MATN3: variants seen among roughly 807,000 people sequenced by gnomAD.
MATN3 encodes the protein matrilin-3.
In MATN3, 48 loss-of-function variants were observed where a neutral mutation model predicts 45.3. The ratio of observed to expected loss-of-function variants is 1.06; its 90% CI spans 0.84 to 1.35. MATN3 has a LOEUF of 1.35. Among genes scored for constraint, MATN3 ranks in the 40% most tolerant of loss-of-function variants. MATN3 has a pLI of 0.00. For synonymous variants in MATN3, 217 were observed against 245.9 expected, an observed-to-expected ratio of 0.88 and a Z score of 1.10; for missense variants, 599 against 628.0, an observed-to-expected ratio of 0.95 and a Z score of 0.49.
chr2:20,005,906 C>A lies in MATN3; in HGVS notation c.628G>T (p.Ala210Ser). Residue 210 changes from alanine (A) to serine (S), a missense_variant, in exon 2 of 8, where the codon GCC becomes TCC. Coordinates refer to ENST00000407540, the MANE Select transcript of MATN3 (RefSeq NM_002381.5). Reference sequence around the variant, plus strand: ...TAGAGCTCAATACCAGATGCTTGGGCCCGAGCCGCCACCTCATTCACCTGG... The same window carrying A: ...TAGAGCTCAATACCAGATGCTTGGGACCGAGCCGCCACCTCATTCACCTGG... ...QDQVNEVAAR[A>S]QASGIELYAV... The A allele has an allele frequency of 6.2e-7, 1 of 1,611,038 alleles. No individual in the cohort carries two copies. The highest frequency in any genetic ancestry group is 1.1e-5 in the South Asian group (1 of 90,520).
At chr2:19,997,328 G>A in intron 5 of MATN3, 69 bp from the exon 6 acceptor site, 1 of 1,476,616 alleles carries the variant, frequency 6.8e-7, no homozygotes, top group South Asian at 1.3e-5. Flanking sequence ...AAATGTTTGA[G>A]AGGAGAAGCT....
intron 5 of MATN3, among the ~76,000 whole-genome samples, chr2:20,000,163 A>G (rs1321372632): frequency 6.6e-6 from 1 of 152,352 alleles, no homozygotes; most frequent in South Asian, 2.1e-4. Flanking sequence ...TCTTCAGTGT[A>G]CAGAGCTATA....
chr2:20,007,564 C>T (rs971157773), intron 1 of MATN3, among the ~76,000 whole-genome samples: 2 of 152,212 alleles, frequency 1.3e-5, no homozygotes, highest in African/African-American at 4.8e-5. Context: ...CCAACTTAAT[C>T]TTGTATCTGT....
chr2:20,002,961 G>T (rs1314575026), intron 3 of MATN3, among the ~76,000 whole-genome samples, 200 bp downstream of exon 3: 1 of 152,098 alleles, frequency 6.6e-6, no homozygotes, highest in African/African-American at 2.4e-5. Context: ...ACAAAGTATG[G>T]AAATAAGCTG....
chr2:19,997,458 C>T (rs572784777), intron 5 of MATN3, 199 bp from the exon 6 acceptor site: 22 of 515,882 alleles, frequency 4.3e-5, no homozygotes, highest in African/African-American at 3.3e-4. Flanking sequence ...CCTCACATCA[C>T]ACACACTCCT....
chr2:20,000,322 G>T (rs1056617151), intron 5 of MATN3, 119 bp downstream of exon 5: 2 of 848,704 alleles, frequency 2.4e-6, no homozygotes, highest in Non-Finnish European at 3.6e-6. Flanking sequence ...ATCTAAAAGT[G>T]TGATAGAATG....
At chr2:19,994,278 A>G (rs1306023985) in intron 7 of MATN3, 21 bp downstream of exon 7, 2 of 1,557,956 alleles carry the variant, frequency 1.3e-6, no homozygotes, top group African/African-American at 2.7e-5. Flanking sequence ...GCAGAAGGAG[A>G]AAACCTTCCA....
rs1370514284 is a variant in MATN3 at position 19,992,132 on chromosome 2, TTATTA to T, written c.*974_*978del. 6.6e-6 allele frequency: 1 copy of T among 152,146 alleles called. No homozygotes were observed. Among genetic ancestry groups the T allele is most frequent in the Non-Finnish European group, 1.5e-5 (1 of 68,000 alleles). The allele number at this position is 152,146 out of a possible 1,614,324, so 9.4% of individuals were successfully genotyped here. On this transcript the variant is annotated 3_prime_UTR_variant, in exon 8 of 8. Coordinates refer to ENST00000407540, the MANE Select transcript of MATN3 (RefSeq NM_002381.5). ...TGATAATATGTAAAGGTAATAACTT[TTATTA>T]TATTAAAGACAATGCAAACGAAAAA...
chr2:20,005,703 T>A (rs1343853742), intron 2 of MATN3, 41 bp downstream of exon 2: 1 of 1,429,406 alleles, frequency 7.0e-7, no homozygotes, highest in Non-Finnish European at 9.5e-7. Flanking sequence ...TGTCTGAATA[T>A]AACATCCTTT....
chr2:20,001,615 C>T (rs2103481862), intron 4 of MATN3, among the ~76,000 whole-genome samples: 1 of 152,228 alleles, frequency 6.6e-6, no homozygotes, highest in Non-Finnish European at 1.5e-5. Flanking sequence ...TGATGTCTGC[C>T]AGTTTCTCCA....
chr2:20,002,107 T>C, intron 3 of MATN3, 27 bp from the exon 4 acceptor site: 1 of 1,604,442 alleles, frequency 6.2e-7, no homozygotes, highest in Non-Finnish European at 8.5e-7. Flanking sequence ...GGGACAAATG[T>C]AAATGCATGC....
chr2:19,998,402 G>C (rs1258864906), intron 5 of MATN3, among the ~76,000 whole-genome samples: 1 of 152,246 alleles, frequency 6.6e-6, no homozygotes, highest in East Asian at 1.9e-4. Flanking sequence ...CAGACCATTA[G>C]AAGGGATCTG....
At chr2:20,009,529 T>C (rs1278930626) in intron 1 of MATN3, among the ~76,000 whole-genome samples, 2 of 152,154 alleles carry the variant, frequency 1.3e-5, no homozygotes, top group Non-Finnish European at 2.9e-5. Context: ...ACCTAATCTA[T>C]GTGGGGCTTA....
chr2:20,005,726 A>T lies in MATN3; in HGVS notation c.790+18T>A. The T allele has an allele frequency of 6.4e-7, 1 of 1,559,390 alleles. No individual in the cohort carries two copies. The highest frequency in any genetic ancestry group is 8.7e-7 in the Non-Finnish European group (1 of 1,144,584). On this transcript the variant is annotated intron_variant, in intron 2 of 7. Transcript: ENST00000407540. ...TATAACATCCTTTCTAGTTGGAAGC[A>T]AAGACTGACCAACTTACCACAGAAG...
At chr2:20,005,639 T>A in intron 2 of MATN3, 105 bp downstream of exon 2, 5 of 1,060,034 alleles carry the variant, frequency 4.7e-6, no homozygotes, top group Non-Finnish European at 6.6e-6. Flanking sequence ...ATATTTAAGT[T>A]TTTCATTAAA....
intron 5 of MATN3, 141 bp from the exon 6 acceptor site, chr2:19,997,400 C>T (rs1407730615): frequency 9.0e-6 from 7 of 778,346 alleles, no homozygotes; most frequent in Non-Finnish European, 1.2e-5. Flanking sequence ...AGGCCCCATG[C>T]TGCAGGAGCA....
chr2:20,001,442 T>G lies in MATN3; in HGVS notation c.1042+513A>C, dbSNP rs543035410. 2.0e-5 allele frequency among the ~76,000 whole-genome samples: 3 copies of G among 152,190 alleles called. No individual in the cohort carries two copies. The East Asian group carries it at 5.8e-4, about 29-fold the overall frequency. ...GGAAAACTATTTTGTGAACTGAGAG[T>G]GTCTCTCAGGTTTTTCTAATCTTTC... is the stretch of plus-strand genomic sequence containing the variant. On this transcript the variant is annotated intron_variant, in intron 4 of 7. Coordinates refer to ENST00000407540, the MANE Select transcript of MATN3 (RefSeq NM_002381.5).
At chr2:20,003,496 TGC>T (rs1673030971) in intron 2 of MATN3, among the ~76,000 whole-genome samples, 1 of 152,234 alleles carries the variant, frequency 6.6e-6, no homozygotes, top group Non-Finnish European at 1.5e-5. Flanking sequence ...GTACACATCT[TGC>T]TATATAGACT....
At position 19,993,146 on chromosome 2, in the gene MATN3, ACTT is replaced by A. The variant is rs767329012; in HGVS notation, c.1423_1425del (p.Lys475del). 2 of 1,612,490 alleles carry A rather than the reference ACTT, an allele frequency of 1.2e-6. No individual in the cohort carries two copies. The highest frequency in any genetic ancestry group is 4.5e-5 in the East Asian group (2 of 44,788). ...ATTTGTCCATATTCATTTATTTTCA[ACTT>A]CTCCAAAATGTCATCAAGTGGCAAG... On this transcript the variant is annotated inframe_deletion, in exon 8 of 8. Coordinates refer to ENST00000407540, the MANE Select transcript of MATN3 (RefSeq NM_002381.5).
Sources: gnomAD v4.1 joint callset for allele counts (sites outside exome capture counted in the v4.1 genomes callset) on GRCh38, gnomAD v4.1.1 for gene constraint, MANE v1.5 for transcripts, NCBI Gene and HGNC (gene_info 2026-07-23, HGNC 2026-07-21) for gene names.